Variants in PSMF1 observed in about 807,000 individuals in gnomAD.
PSMF1 encodes the protein proteasome inhibitor subunit 1.
PSMF1 carries 30 observed loss-of-function variants against 29.3 expected under a neutral mutation model. That is an observed-to-expected ratio of 1.02 (90% confidence interval 0.77 to 1.39). PSMF1 has a LOEUF of 1.39. PSMF1 is among the 40% of genes most tolerant of loss of function. The pLI is 0.00. For missense variants in PSMF1, 344 were observed against 357.5 expected, an observed-to-expected ratio of 0.96 and a Z score of 0.31; for synonymous variants, 134 against 139.7, an observed-to-expected ratio of 0.96 and a Z score of 0.29.
rs376036696 is a variant in PSMF1, at chr20:1,160,577, G to A, written c.552-2553G>A. On this transcript the variant is annotated intron_variant, in intron 4 of 6. Transcript: ENST00000335877. ...CGCTCTGCCGCCCAGCTCCTCCACC[G>A]ATCACAATGGAAGAAGAGATCACCA... 3.8e-5 allele frequency: 18 copies of A among 471,396 alleles called. No individual in the cohort carries two copies. The East Asian group carries it at 5.2e-4, about 14-fold the overall frequency. 29.2% of individuals were successfully genotyped at this position (471,396 alleles called of 1,614,324 possible).
chr20:1,118,573 C>G (rs1358529356), upstream of PSMF1: 1 of 556,460 alleles, frequency 1.8e-6, no homozygotes, highest in Non-Finnish European at 3.0e-6. Flanking sequence ...GCGCCTCACG[C>G]AGTTGCGCCC....
intron 4 of PSMF1, among the ~76,000 whole-genome samples, chr20:1,137,392 A>G (rs1441978080): frequency 1.3e-5 from 2 of 152,180 alleles, no homozygotes; most frequent in South Asian, 2.1e-4. Flanking sequence ...ATCTGAACCC[A>G]TTGGTTAATC....
chr20:1,150,473 T>G (rs529928947), intron 4 of PSMF1, among the ~76,000 whole-genome samples: 4 of 152,052 alleles, frequency 2.6e-5, no homozygotes, highest in Non-Finnish European at 5.9e-5. Flanking sequence ...GCTTCTGAGA[T>G]AGAATAGTTT....
chr20:1,161,252 G>A, intron 4 of PSMF1: 1 of 318,406 alleles, frequency 3.1e-6, no homozygotes. Flanking sequence ...AGCAGGAGAT[G>A]GCCACCGCTA....
intron 4 of PSMF1, among the ~76,000 whole-genome samples, chr20:1,158,966 G>C (rs1317006669): frequency 6.6e-6 from 1 of 151,720 alleles, no homozygotes; most frequent in Non-Finnish European, 1.5e-5. Flanking sequence ...TGAGGCAGGA[G>C]AATTGCTTGA....
chr20:1,161,893 C>A (rs1468972772), intron 4 of PSMF1, among the ~76,000 whole-genome samples: 1 of 152,162 alleles, frequency 6.6e-6, no homozygotes, highest in African/African-American at 2.4e-5. Context: ...ACCTTGTATT[C>A]AAGTTAACTG....
rs1376398643 is a variant in PSMF1, at chr20:1,163,627, A to G, written c.605+444A>G. 6.6e-6 allele frequency among the ~76,000 whole-genome samples: 1 copy of G among 152,176 alleles called. No individual in the cohort carries two copies. The highest frequency in any genetic ancestry group is 1.5e-5 in the Non-Finnish European group (1 of 68,016). On this transcript the variant is annotated intron_variant, in intron 5 of 6. Transcript: ENST00000335877. This position sits in a 1 kb window ranked among gnomAD's most constrained non-coding sequence, Gnocchi z 6.1. ...CCACTGTCTTCCCTGAATGATTCCAAATAGATTTTAACCTCTGCTACAAAG... is the reference window on the plus strand; with the variant it reads ...CCACTGTCTTCCCTGAATGATTCCAGATAGATTTTAACCTCTGCTACAAAG...
intron 2 of PSMF1, 143 bp from the exon 3 acceptor site, chr20:1,127,283 T>A: frequency 2.5e-6 from 2 of 789,594 alleles, no homozygotes; most frequent in Non-Finnish European, 4.6e-6. Context: ...TAGGAAGGTA[T>A]TTCATATAAA....
Position 1,135,277 on chromosome 20 carries a change from C to A in PSMF1, c.522C>A (p.His174Gln). ...TGGACCCACTCCGGATTCCTCCACA[C>A]CACCCACACACCAGTCGGCAGCCTC... The part of the protein sequence containing the change: ...REVDPLRIPP[H>Q]HPHTSRQPPW... Residue 174 changes from histidine to glutamine, a missense_variant, in exon 4 of 7, where the codon CAC becomes CAA. Coordinates refer to ENST00000335877, the MANE Select transcript of PSMF1 (RefSeq NM_006814.5). The A allele has an allele frequency of 2.5e-6, 4 of 1,613,480 alleles. No individual in the cohort carries two copies. The highest frequency in any genetic ancestry group is 3.4e-6 in the Non-Finnish European group (4 of 1,179,620).
At chr20:1,129,713 T>C (rs1271974171) in intron 3 of PSMF1, among the ~76,000 whole-genome samples, 1 of 152,198 alleles carries the variant, frequency 6.6e-6, no homozygotes, top group Non-Finnish European at 1.5e-5. Flanking sequence ...TGTGGAGAAA[T>C]TGGAACTCTT....
At chr20:1,146,068 G>C (rs902895658) in intron 4 of PSMF1, among the ~76,000 whole-genome samples, 2 of 152,136 alleles carry the variant, frequency 1.3e-5, no homozygotes, top group South Asian at 4.1e-4. Flanking sequence ...AGGGATCCTA[G>C]GGTTGGGCCC....
intron 2 of PSMF1, 145 bp downstream of exon 2, chr20:1,125,795 TGAGA>T: frequency 8.8e-7 from 1 of 1,131,534 alleles, no homozygotes; most frequent in Non-Finnish European, 1.3e-6. Context: ...TATCTTAAGG[TGAGA>T]ACCCTAAGTA....
chr20:1,140,205 T>G (rs927144002), intron 4 of PSMF1, among the ~76,000 whole-genome samples: 1 of 152,220 alleles, frequency 6.6e-6, no homozygotes, highest in African/African-American at 2.4e-5. Flanking sequence ...TCAAAACTTA[T>G]TACAAAGCTT....
chr20:1,114,306 T>C (rs1600132346), upstream of PSMF1, among the ~76,000 whole-genome samples: 1 of 152,156 alleles, frequency 6.6e-6, no homozygotes, highest in Non-Finnish European at 1.5e-5. Flanking sequence ...CTGGCTCCCT[T>C]TCCTTCCTGT....
rs2086737788 is a variant in PSMF1, at chr20:1,167,019, A to G, written c.*1939A>G. ...GCAAAGTCCGAAAAGATAGTTATAT[A>G]CAAAATTCTGTTTTCTGAAAACAAA... On this transcript the variant is annotated 3_prime_UTR_variant, in exon 7 of 7. Transcript: ENST00000335877. The G allele has an allele frequency of 6.6e-6, 1 of 152,228 alleles. No homozygotes were observed. The allele number at this position is 152,228 out of a possible 1,614,324, so 9.4% of individuals were successfully genotyped here.
intron 1 of PSMF1, among the ~76,000 whole-genome samples, chr20:1,121,930 C>T (rs933087169): frequency 3.9e-5 from 6 of 152,004 alleles, no homozygotes; most frequent in Non-Finnish European, 8.8e-5. Context: ...AGGTGGTTAT[C>T]GACATAAGTT....
chr20:1,128,565 T>C (rs1346935073), intron 3 of PSMF1, among the ~76,000 whole-genome samples: 1 of 152,240 alleles, frequency 6.6e-6, no homozygotes, highest in Non-Finnish European at 1.5e-5. Context: ...ACAAAAGATG[T>C]AGGCAGAGTA....
At chr20:1,152,184 G>A (rs753405965) in intron 4 of PSMF1, among the ~76,000 whole-genome samples, 1 of 152,128 alleles carries the variant, frequency 6.6e-6, no homozygotes, top group Admixed American at 6.6e-5. Flanking sequence ...TAAATGTAAA[G>A]TATATGTAAA....
At chr20:1,118,081 A>G (rs2122425041), upstream of PSMF1, 1 of 152,344 alleles carries the variant, frequency 6.6e-6, no homozygotes, top group East Asian at 1.9e-4. Context: ...CACAATAAAC[A>G]CTTAATAAAT....
Sources: gnomAD v4.1 joint callset for allele counts (sites outside exome capture counted in the v4.1 genomes callset) on GRCh38, gnomAD v4.1.1 for gene constraint, Gnocchi (gnomAD v3.1) non-coding constraint, MANE v1.5 for transcripts, NCBI Gene and HGNC (gene_info 2026-07-23, HGNC 2026-07-21) for gene names.